The following ROPN1B variants were observed in gnomAD, a reference collection of about 807,000 sequenced individuals.
ROPN1B encodes the protein ropporin-1B.
A neutral mutation model predicts 23.7 loss-of-function variants in ROPN1B; 13 were observed. The ratio of observed to expected loss-of-function variants is 0.55; its 90% CI spans 0.36 to 0.87. The LOEUF (loss-of-function observed/expected upper bound fraction) is 0.87. Among genes scored for constraint, ROPN1B ranks in the 40% least tolerant of loss-of-function variants. The pLI, the probability that ROPN1B is intolerant of heterozygous loss-of-function variation, is 0.01. For synonymous variants in ROPN1B, 67 were observed against 100.4 expected (o/e 0.67, Z 1.99); for missense variants, 183 against 249.2 (o/e 0.73, Z 1.79).
chr3:125,983,287 C>T lies in ROPN1B; in HGVS notation c.606C>T (p.Asp202=). 6.2e-7 allele frequency: 1 copy of T among 1,613,778 alleles called. No homozygotes were observed. The highest frequency in any genetic ancestry group is 8.5e-7 in the Non-Finnish European group (1 of 1,179,734). ...IGPDGLITVN[D]FTQNPRVWLE ...CTGATGGTTTAATCACGGTGAATGA[C>T]TTTACCCAAAACCCCAGGGTTTGGC... The change falls in exon 7 of 7, where the codon GAC becomes GAT. Residue 202 remains aspartate, a synonymous_variant. Coordinates refer to ENST00000514116, the MANE Select transcript of ROPN1B (RefSeq NM_001308313.2).
intron 3 of ROPN1B, 131 bp downstream of exon 3, chr3:125,972,301 T>C (rs1938244605): frequency 1.3e-6 from 1 of 781,802 alleles, no homozygotes; most frequent in Admixed American, 2.4e-5. Flanking sequence ...TTTTAGCTCT[T>C]GCATTGCTTT....
Position 125,975,614 on chromosome 3 carries a change from T to C in ROPN1B, c.168T>C (p.Ser56=), listed in dbSNP as rs61736423. The C allele has an allele frequency of 1.8e-3, 2,981 of 1,614,148 alleles. 46 individuals are homozygous for C. In the African/African-American group the frequency reaches 0.035, roughly 19 times the overall value. The change falls in exon 4 of 7, where the codon TCT becomes TCC. Residue 56 remains serine (S), a synonymous_variant. Transcript: ENST00000514116. ...AGACGCCTCCGGTGAGAGAGCGGTC[T>C]GAGCGAGTCGCTTTGTGTAACTGGG... ...RGETPPVRER[S]ERVALCNWAE...
chr3:125,979,729 T>C (rs1313839950), intron 5 of ROPN1B, among the ~76,000 whole-genome samples: 1 of 152,256 alleles, frequency 6.6e-6, no homozygotes, highest in Non-Finnish European at 1.5e-5. Flanking sequence ...AGAGTTTCTC[T>C]TTCCTTTGCG....
intron 5 of ROPN1B, chr3:125,977,654 C>G (rs1052584205): frequency 5.2e-6 from 1 of 191,336 alleles, no homozygotes; most frequent in Non-Finnish European, 1.1e-5. Flanking sequence ...TGAATTTAGT[C>G]ATGACATCTC....
In ROPN1B at chr3:125,977,003, G is replaced by C; in HGVS notation, c.235-1G>C. The C allele has an allele frequency of 1.2e-6, 1 of 818,958 alleles. No homozygotes were observed. 50.7% of individuals were successfully genotyped at this position (818,958 alleles called of 1,614,324 possible). On this transcript the variant is annotated splice_acceptor_variant, in intron 4 of 6. Coordinates refer to ENST00000514116, the MANE Select transcript of ROPN1B (RefSeq NM_001308313.2). LOFTEE classifies it high-confidence loss of function. ...TGTTGTGTCTGTCCCCTGCCCTGCA[G>C]GTTGCTGGCAGACTGATCATCCGTG...
chr3:125,978,513 C>T (rs1376379284), intron 5 of ROPN1B, among the ~76,000 whole-genome samples: 4 of 152,200 alleles, frequency 2.6e-5, no homozygotes, highest in African/African-American at 4.8e-5. Flanking sequence ...TTCCTCACCA[C>T]GCTCTCTTCT....
chr3:125,975,769 G>A, intron 4 of ROPN1B, 89 bp downstream of exon 4: 3 of 1,215,648 alleles, frequency 2.5e-6, no homozygotes, highest in Non-Finnish European at 3.4e-6. Context: ...TCTCCTGCCA[G>A]TCAGCTGACC....
chr3:125,983,076 C>T (rs1010732769), intron 6 of ROPN1B, among the ~76,000 whole-genome samples, 178 bp from the exon 7 acceptor site: 4 of 152,074 alleles, frequency 2.6e-5, no homozygotes, highest in South Asian at 4.1e-4. Flanking sequence ...TGCAGTGAGC[C>T]GAGATTGCAT....
intron 5 of ROPN1B, among the ~76,000 whole-genome samples, chr3:125,981,768 A>G (rs907173149): frequency 1.3e-5 from 2 of 152,142 alleles, no homozygotes; most frequent in African/African-American, 4.8e-5. Flanking sequence ...AGGAAGGTTT[A>G]TCTTGATGTT....
At chr3:125,970,360 A>C (rs1938152728) in intron 1 of ROPN1B, among the ~76,000 whole-genome samples, 1 of 152,194 alleles carries the variant, frequency 6.6e-6, no homozygotes, top group Admixed American at 6.5e-5. Flanking sequence ...CGCTCATAGA[A>C]ACCCTCTGAG....
chr3:125,981,122 C>G (rs555270670), intron 5 of ROPN1B, among the ~76,000 whole-genome samples: 1 of 148,672 alleles, frequency 6.7e-6, no homozygotes, highest in African/African-American at 2.5e-5. Flanking sequence ...TAAATATTAA[C>G]TCAATTAAAA....
At chr3:125,971,930 G>A in intron 2 of ROPN1B, 113 bp from the exon 3 acceptor site, 1 of 882,448 alleles carries the variant, frequency 1.1e-6, no homozygotes, top group Non-Finnish European at 1.7e-6. Flanking sequence ...CATTTGTCTT[G>A]CGGAGTCCCC....
At position 125,982,407 on chromosome 3, in the gene ROPN1B, A is replaced by C; in HGVS notation, c.534A>C (p.Ser178=). The change falls in exon 6 of 7, where the codon TCA becomes TCC. Residue 178 remains serine, a synonymous_variant. Coordinates refer to ENST00000514116, the MANE Select transcript of ROPN1B (RefSeq NM_001308313.2). The stretch of plus-strand genomic sequence containing the variant: ...AAGTGGATGGGGAGATCTGTGCATC[A>C]CATGTCAGCAGGATGCTAAACTACA... The part of the protein sequence containing the change: ...IAEVDGEICA[S]HVSRMLNYIE... 6.2e-7 allele frequency: 1 copy of C among 1,610,822 alleles called. No individual in the cohort carries two copies. The highest frequency in any genetic ancestry group is 8.5e-7 in the Non-Finnish European group (1 of 1,179,244).
At chr3:125,972,505 G>A (rs1246542748) in intron 3 of ROPN1B, 1 of 484,814 alleles carries the variant, frequency 2.1e-6, no homozygotes, top group African/African-American at 1.9e-5. Flanking sequence ...CCCACTCTCG[G>A]TGGAAAGAAG....
At position 125,983,431 on chromosome 3, in the gene ROPN1B, TAAAC is replaced by T. The variant is rs1938679815; in HGVS notation, c.*117_*120del. On this transcript the variant is annotated 3_prime_UTR_variant, in exon 7 of 7. Coordinates refer to ENST00000514116, the MANE Select transcript of ROPN1B (RefSeq NM_001308313.2). ...TTCTTGTACAACTGGTACACACTAA[TAAAC>T]AAACATGTGAGATCAGAAATGTGCG... 13 of 738,686 alleles carry T rather than the reference TAAAC, an allele frequency of 1.8e-5. No homozygotes were observed. The highest frequency in any genetic ancestry group is 2.9e-5 in the Non-Finnish European group (12 of 417,386). 45.8% of individuals were successfully genotyped at this position (738,686 alleles called of 1,614,324 possible).
chr3:125,974,720 A>G (rs62264834), intron 3 of ROPN1B, among the ~76,000 whole-genome samples: 1,700 of 152,290 alleles, frequency 0.011, 18 homozygotes, highest in Admixed American at 0.029. Flanking sequence ...GCCCCCAAAC[A>G]AAGTCCACTC....
intron 5 of ROPN1B, among the ~76,000 whole-genome samples, chr3:125,979,181 T>C (rs567008553): frequency 6.6e-6 from 1 of 152,254 alleles, no homozygotes; most frequent in South Asian, 2.1e-4. Flanking sequence ...ATCATCCCCA[T>C]GTCAAAGAAC....
At chr3:125,969,618 C>A (rs1938118071) in intron 1 of ROPN1B, 1 of 120,638 alleles carries the variant, frequency 8.3e-6, no homozygotes, top group Non-Finnish European at 1.7e-5. Context: ...GTATTTTGTA[C>A]CCAGAATACT....
chr3:125,974,534 C>T (rs1938336482), intron 3 of ROPN1B, among the ~76,000 whole-genome samples: 1 of 152,160 alleles, frequency 6.6e-6, no homozygotes, highest in South Asian at 2.1e-4. Flanking sequence ...AAAAGCAGGG[C>T]GGAACAGAAA....
Sources: gnomAD v4.1 joint callset for allele counts (sites outside exome capture counted in the v4.1 genomes callset) on GRCh38, gnomAD v4.1.1 for gene constraint, MANE v1.5 for transcripts, NCBI Gene and HGNC (gene_info 2026-07-23, HGNC 2026-07-21) for gene names.